Variants in SLC39A11 observed in about 807,000 individuals in gnomAD.
The protein encoded by SLC39A11 is zinc transporter ZIP11.
SLC39A11 carries 33 observed loss-of-function variants against 36.1 expected under a neutral mutation model. The ratio of observed to expected loss-of-function variants is 0.91; its 90% CI spans 0.69 to 1.22. SLC39A11 has a LOEUF of 1.22. Among genes scored for constraint, SLC39A11 ranks in the 50% most tolerant of loss-of-function variants. The pLI is 0.00. For synonymous variants in SLC39A11, 166 were observed against 170.3 expected, an observed-to-expected ratio of 0.97 and a Z score of 0.20; for missense variants, 432 against 430.3, an observed-to-expected ratio of 1.00 and a Z score of -0.03.
intron 7 of SLC39A11, among the ~76,000 whole-genome samples, chr17:72,685,135 C>T (rs149523472): frequency 1.9e-4 from 29 of 150,198 alleles, no homozygotes; most frequent in Admixed American, 4.7e-4. Flanking sequence ...AATTGGGTGC[C>T]GGGGACACAG....
chr17:72,952,141 A>C (rs1007691747), intron 4 of SLC39A11, among the ~76,000 whole-genome samples: 4 of 152,088 alleles, frequency 2.6e-5, no homozygotes, highest in Non-Finnish European at 4.4e-5. Flanking sequence ...GCAGCGTGGG[A>C]GCTACAGAAA....
intron 7 of SLC39A11, among the ~76,000 whole-genome samples, chr17:72,658,203 G>A (rs2070232435): frequency 6.6e-6 from 1 of 152,254 alleles, no homozygotes; most frequent in East Asian, 1.9e-4. Flanking sequence ...GGGGTGCCAA[G>A]GGAGTGTAGG....
At chr17:72,769,490 G>C (rs1237965881) in intron 6 of SLC39A11, among the ~76,000 whole-genome samples, 1 of 151,912 alleles carries the variant, frequency 6.6e-6, no homozygotes, top group East Asian at 1.9e-4. Flanking sequence ...AGACAAACCC[G>C]CCTCCCATTC....
intron 6 of SLC39A11, among the ~76,000 whole-genome samples, chr17:72,834,451 A>G (rs987948238): frequency 6.6e-6 from 1 of 152,106 alleles, no homozygotes; most frequent in Non-Finnish European, 1.5e-5. Flanking sequence ...GTGAAACCCC[A>G]TCTCTACCTA....
intron 5 of SLC39A11, among the ~76,000 whole-genome samples, chr17:72,919,586 G>C (rs2083523626): frequency 6.6e-6 from 1 of 151,016 alleles, no homozygotes; most frequent in East Asian, 2.0e-4. Flanking sequence ...GCAGGAGAAT[G>C]GCGAGAACCC....
rs1203744374 is a variant in SLC39A11, at chr17:72,736,869, T to C, written c.602-150A>G. The C allele has an allele frequency of 5.9e-6, 4 of 682,214 alleles. No homozygotes were observed. The African/African-American group carries it at 7.0e-5, about 12-fold the overall frequency. 42.3% of individuals were successfully genotyped at this position (682,214 alleles called of 1,614,324 possible). A position where few individuals can be genotyped will look rare whatever the true frequency, so the allele number is the denominator to read the frequency against. ...GCAGCTTAAACCCAGGGAAACTAAGTCATGGGGGCCAAATGGCTGCTGCCT... is the reference window on the plus strand; with the variant it reads ...GCAGCTTAAACCCAGGGAAACTAAGCCATGGGGGCCAAATGGCTGCTGCCT... On this transcript the variant is annotated intron_variant, in intron 6 of 9. Transcript: ENST00000255559.
chr17:72,985,279 A>G (rs1449293174), intron 4 of SLC39A11, among the ~76,000 whole-genome samples: 1 of 152,178 alleles, frequency 6.6e-6, no homozygotes, highest in Non-Finnish European at 1.5e-5. Flanking sequence ...CATGTCACAG[A>G]GTCGCTCTCT....
intron 4 of SLC39A11, among the ~76,000 whole-genome samples, chr17:72,996,997 C>G (rs2089556552): frequency 6.6e-6 from 1 of 152,138 alleles, no homozygotes; most frequent in African/African-American, 2.4e-5. Context: ...CCACCCTCCC[C>G]ACGACCATCT....
At chr17:72,753,516 CATG>C (rs1464711232) in intron 6 of SLC39A11, among the ~76,000 whole-genome samples, 1 of 152,182 alleles carries the variant, frequency 6.6e-6, no homozygotes, top group Non-Finnish European at 1.5e-5. Context: ...GCTTTATGAG[CATG>C]ATAAATATGC....
intron 6 of SLC39A11, among the ~76,000 whole-genome samples, chr17:72,789,269 G>A (rs183433023): frequency 1.3e-4 from 20 of 152,222 alleles, no homozygotes; most frequent in Non-Finnish European, 1.5e-4. Context: ...TCCTGACCTC[G>A]TGATCCGCCC....
At chr17:72,968,041 A>G (rs907319686) in intron 4 of SLC39A11, among the ~76,000 whole-genome samples, 8 of 151,912 alleles carry the variant, frequency 5.3e-5, no homozygotes, top group African/African-American at 1.7e-4. Flanking sequence ...CCCCCATCCA[A>G]CCTGTAACAT....
intron 5 of SLC39A11, among the ~76,000 whole-genome samples, chr17:72,853,505 C>T (rs2079481694): frequency 6.6e-6 from 1 of 152,016 alleles, no homozygotes; most frequent in Non-Finnish European, 1.5e-5. Flanking sequence ...GAGCAACAGA[C>T]CTCGGACGCA....
intron 7 of SLC39A11, among the ~76,000 whole-genome samples, chr17:72,724,298 C>T (rs1207960592): frequency 6.6e-6 from 1 of 152,150 alleles, no homozygotes; most frequent in African/African-American, 2.4e-5. Context: ...CCCTCAATCC[C>T]ATCTGGCTCC....
intron 7 of SLC39A11, among the ~76,000 whole-genome samples, chr17:72,729,401 CTATTTATATATA>C (rs2074064424): frequency 8.0e-5 from 5 of 62,370 alleles, no homozygotes; most frequent in African/African-American, 2.4e-4. Context: ...CCCCACCTGG[CTATTTATATATA>C]TATATATATA....
chr17:72,804,592 A>C (rs2077193696), intron 6 of SLC39A11, among the ~76,000 whole-genome samples: 1 of 152,240 alleles, frequency 6.6e-6, no homozygotes, highest in East Asian at 1.9e-4. Flanking sequence ...TGAGTAAGGC[A>C]GAGTGGTATA....
chr17:72,905,820 C>T (rs2147020589), intron 5 of SLC39A11, among the ~76,000 whole-genome samples: 1 of 151,870 alleles, frequency 6.6e-6, no homozygotes, highest in East Asian at 2.0e-4. Flanking sequence ...GTGGCGTGAT[C>T]TCAGCTCACT....
At chr17:72,801,310 T>G (rs1425435539) in intron 6 of SLC39A11, among the ~76,000 whole-genome samples, 1 of 152,054 alleles carries the variant, frequency 6.6e-6, no homozygotes, top group Non-Finnish European at 1.5e-5. Flanking sequence ...AACCTCTGCC[T>G]CCTGGGTTCA....
intron 7 of SLC39A11, among the ~76,000 whole-genome samples, chr17:72,734,886 A>G (rs1288713468): frequency 6.6e-6 from 1 of 152,084 alleles, no homozygotes; most frequent in Non-Finnish European, 1.5e-5. Flanking sequence ...CCCCGTGGAT[A>G]CTGCTTGACT....
chr17:72,861,684 TATATAAA>T (rs1240375028), intron 5 of SLC39A11, among the ~76,000 whole-genome samples: 2 of 117,308 alleles, frequency 1.7e-5, no homozygotes, highest in Non-Finnish European at 3.6e-5. Flanking sequence ...TATATATATA[TATATAAA>T]ATATATATAT....
Sources: allele counts gnomAD v4.1 joint callset (sites outside exome capture counted in the v4.1 genomes callset), GRCh38; gene constraint gnomAD v4.1.1; transcripts MANE v1.5; gene names NCBI Gene and HGNC (gene_info 2026-07-23, HGNC 2026-07-21).